Variants in CDH13 observed in about 807,000 individuals in gnomAD.
The protein encoded by CDH13 is cadherin-13.
CDH13 carries 24 observed loss-of-function variants against 63.8 expected under a neutral mutation model. The ratio of observed to expected loss-of-function variants is 0.38; its 90% confidence interval spans 0.27 to 0.53. The LOEUF is 0.53. CDH13 is among the 20% of genes least tolerant of loss of function. The pLI is 0.85. For missense variants in CDH13, 1,049 were observed against 903.1 expected (o/e 1.16, Z -2.07); for synonymous variants, 503 against 355.3 (o/e 1.42, Z -4.67).
intron 7 of CDH13, among the ~76,000 whole-genome samples, chr16:83,514,137 T>C (rs2151608914): frequency 6.6e-6 from 1 of 152,328 alleles, no homozygotes; most frequent in Non-Finnish European, 1.5e-5. Flanking sequence ...CCCTGCTCTT[T>C]GTTCTCTATA....
chr16:83,180,805 T>C, intron 4 of CDH13: 3 of 1,079,124 alleles, frequency 2.8e-6, no homozygotes, highest in Non-Finnish European at 4.1e-6. Flanking sequence ...GATGCTGTAG[T>C]CATTTGTTGG....
chr16:83,168,864 A>G (rs1442501489), intron 4 of CDH13, among the ~76,000 whole-genome samples: 1 of 152,120 alleles, frequency 6.6e-6, no homozygotes, highest in Non-Finnish European at 1.5e-5. Flanking sequence ...TTTAATGTCC[A>G]CATAAGAAAA....
intron 1 of CDH13, among the ~76,000 whole-genome samples, chr16:82,735,248 C>T (rs1034374550): frequency 2.6e-5 from 4 of 152,300 alleles, no homozygotes; most frequent in Admixed American, 1.3e-4. Flanking sequence ...TACCTGTGCT[C>T]ATCATTTTCC....
intron 2 of CDH13, among the ~76,000 whole-genome samples, chr16:82,863,091 G>A (rs16958781): frequency 0.021 from 3,239 of 152,238 alleles, 120 homozygotes; most frequent in African/African-American, 0.073. Context: ...CATGGGTATC[G>A]ATGCAGGATC....
At chr16:83,660,955 C>G (rs556514978) in intron 8 of CDH13, among the ~76,000 whole-genome samples, 1 of 151,754 alleles carries the variant, frequency 6.6e-6, no homozygotes, top group African/African-American at 2.4e-5. Context: ...CATATTTGCT[C>G]TTTGGTTTTT....
At chr16:82,871,541 A>G (rs1200298774) in intron 2 of CDH13, among the ~76,000 whole-genome samples, 2 of 152,204 alleles carry the variant, frequency 1.3e-5, no homozygotes, top group Non-Finnish European at 2.9e-5. Context: ...ACTGGAGTCT[A>G]ATCCCAGCTC....
chr16:83,492,944 C>T lies in CDH13; in HGVS notation c.960+6289C>T, dbSNP rs535683835. Among the ~76,000 whole-genome samples the T allele has an allele frequency of 4.6e-5, 7 of 152,296 alleles. No individual in the cohort carries two copies. In the South Asian group the frequency reaches 6.2e-4, roughly 14 times the overall value. Reference sequence around the variant, plus strand: ...ACCGTGGCTAGTCTCTTAGTATGACCGCAATTTAGTTGAAACCTGGCTTCA... The same window carrying T: ...ACCGTGGCTAGTCTCTTAGTATGACTGCAATTTAGTTGAAACCTGGCTTCA... On this transcript the variant is annotated intron_variant, in intron 7 of 13. Coordinates refer to ENST00000567109, the MANE Select transcript of CDH13 (RefSeq NM_001257.5).
At chr16:83,754,565 G>C (rs144873311) in intron 11 of CDH13, among the ~76,000 whole-genome samples, 1,662 of 152,296 alleles carry the variant, frequency 0.011, 26 homozygotes, top group African/African-American at 0.038. Flanking sequence ...GAGGGACCCA[G>C]TGGGAGATAA....
At chr16:82,992,493 G>T (rs1911767445) in intron 2 of CDH13, among the ~76,000 whole-genome samples, 1 of 152,144 alleles carries the variant, frequency 6.6e-6, no homozygotes, top group African/African-American at 2.4e-5. Context: ...CAAGGGGCAG[G>T]GTGGGGATAG....
intron 1 of CDH13, among the ~76,000 whole-genome samples, chr16:82,776,819 G>A (rs1219029433): frequency 6.6e-6 from 1 of 152,126 alleles, no homozygotes; most frequent in African/African-American, 2.4e-5. Context: ...TTCAACCTGG[G>A]GTGAAGACAG....
chr16:83,144,476 T>A (rs2036662688), intron 4 of CDH13, among the ~76,000 whole-genome samples: 1 of 152,202 alleles, frequency 6.6e-6, no homozygotes, highest in Non-Finnish European at 1.5e-5. Context: ...GAACACATGA[T>A]CAGCAATACA....
intron 11 of CDH13, among the ~76,000 whole-genome samples, chr16:83,774,009 C>G (rs528427064): frequency 2.6e-5 from 4 of 152,336 alleles, no homozygotes; most frequent in Non-Finnish European, 4.4e-5. Context: ...TTCTGCTTCA[C>G]AAACCTCCAT....
chr16:83,197,900 T>A (rs2038921104), intron 4 of CDH13, among the ~76,000 whole-genome samples: 1 of 152,094 alleles, frequency 6.6e-6, no homozygotes, highest in Non-Finnish European at 1.5e-5. Flanking sequence ...AATGTCAATA[T>A]TTTAATTGTG....
intron 10 of CDH13, among the ~76,000 whole-genome samples, chr16:83,707,035 AAAG>A (rs1907185159): frequency 6.6e-6 from 1 of 152,212 alleles, no homozygotes; most frequent in Non-Finnish European, 1.5e-5. Flanking sequence ...GTGTCCCCAC[AAAG>A]AAGGAGAAAT....
chr16:83,707,567 T>C (rs1907273028), intron 10 of CDH13, among the ~76,000 whole-genome samples: 1 of 152,150 alleles, frequency 6.6e-6, no homozygotes, highest in Non-Finnish European at 1.5e-5. Flanking sequence ...ACAAATATTA[T>C]TGAAATGTTT....
intron 7 of CDH13, among the ~76,000 whole-genome samples, chr16:83,531,905 C>G (rs1353390244): frequency 6.6e-6 from 1 of 152,170 alleles, no homozygotes; most frequent in African/African-American, 2.4e-5. Context: ...ACAAGAAGCT[C>G]TGATATGGTT....
At chr16:82,810,351 G>A (rs2037379613) in intron 1 of CDH13, among the ~76,000 whole-genome samples, 1 of 152,170 alleles carries the variant, frequency 6.6e-6, no homozygotes, top group African/African-American at 2.4e-5. Flanking sequence ...AGAAGGAGGA[G>A]ATGAGAGGAT....
intron 2 of CDH13, among the ~76,000 whole-genome samples, chr16:82,883,835 T>C (rs1455461361): frequency 2.0e-5 from 3 of 152,200 alleles, no homozygotes; most frequent in Admixed American, 6.5e-5. Context: ...CTGGGACAGC[T>C]TTAGGGCTTA....
At chr16:83,726,974 C>G (rs977028999) in intron 10 of CDH13, among the ~76,000 whole-genome samples, 5 of 152,150 alleles carry the variant, frequency 3.3e-5, no homozygotes, top group Non-Finnish European at 7.4e-5. Context: ...TGGATACCTC[C>G]CTTCCTTGAA....
Sources: gnomAD v4.1 joint callset for allele counts (sites outside exome capture counted in the v4.1 genomes callset) on GRCh38, gnomAD v4.1.1 for gene constraint, MANE v1.5 for transcripts, NCBI Gene and HGNC (gene_info 2026-07-23, HGNC 2026-07-21) for gene names.